The following NELL1 variants were observed in gnomAD, a reference collection of about 807,000 sequenced individuals.
NELL1 encodes protein kinase C-binding protein NELL1.
A neutral mutation model predicts 107.4 loss-of-function variants in NELL1; 76 were observed. The observed-to-expected ratio is 0.71, with a 90% CI of 0.59 to 0.86. NELL1 has a LOEUF of 0.86. Ranked by LOEUF, NELL1 falls within the 40% of genes least tolerant of loss-of-function variation. The pLI is 0.00. For missense variants in NELL1, 1,024 were observed against 1,005.5 expected (o/e 1.02, Z -0.25); for synonymous variants, 353 against 341.2 (o/e 1.03, Z -0.38).
At chr11:21,470,699 A>G (rs1854155535) in intron 15 of NELL1, among the ~76,000 whole-genome samples, 1 of 152,088 alleles carries the variant, frequency 6.6e-6, no homozygotes, top group African/African-American at 2.4e-5. Context: ...GCCATGCCTT[A>G]GTCATCTTGA....
intron 11 of NELL1, among the ~76,000 whole-genome samples, chr11:20,957,108 A>G (rs1160181424): frequency 6.6e-6 from 1 of 152,182 alleles, no homozygotes; most frequent in South Asian, 2.1e-4. Flanking sequence ...GGTTTAAAAT[A>G]TGGCTTCTAG....
At chr11:20,790,944 A>C (rs1208683134) in intron 3 of NELL1, among the ~76,000 whole-genome samples, 1 of 152,220 alleles carries the variant, frequency 6.6e-6, no homozygotes, top group East Asian at 1.9e-4. Context: ...TCATTGATCT[A>C]TATGTTTATC....
At chr11:20,946,530 T>G (rs1850965428) in intron 10 of NELL1, among the ~76,000 whole-genome samples, 1 of 152,176 alleles carries the variant, frequency 6.6e-6, no homozygotes, top group South Asian at 2.1e-4. Flanking sequence ...TTGTAAGTGA[T>G]TTTATATCTA....
intron 6 of NELL1, 108 bp from the exon 7 acceptor site, chr11:20,919,144 A>G (rs1049812263): frequency 5.4e-6 from 3 of 556,256 alleles, no homozygotes; most frequent in Non-Finnish European, 5.9e-6. Context: ...ATGTCAACCA[A>G]AAAAACCCCA....
intron 14 of NELL1, among the ~76,000 whole-genome samples, chr11:21,280,315 T>A (rs1848964714): frequency 6.6e-6 from 1 of 152,186 alleles, no homozygotes; most frequent in African/African-American, 2.4e-5. Context: ...TCCACCTACA[T>A]GGTCAACAAT....
intron 13 of NELL1, chr11:21,169,878 C>T (rs1263942858): frequency 9.2e-6 from 13 of 1,411,476 alleles, no homozygotes; most frequent in Non-Finnish European, 1.3e-5. Flanking sequence ...CCATGTCACC[C>T]AGCACTGGCA....
intron 15 of NELL1, among the ~76,000 whole-genome samples, chr11:21,481,490 A>C (rs1386850657): frequency 6.6e-6 from 1 of 152,244 alleles, no homozygotes; most frequent in Non-Finnish European, 1.5e-5. Flanking sequence ...TAAGGGTTGC[A>C]TTAAAGTGGA....
At chr11:21,005,487 G>A (rs563830957) in intron 12 of NELL1, among the ~76,000 whole-genome samples, 48 of 152,240 alleles carry the variant, frequency 3.2e-4, no homozygotes, top group African/African-American at 1.1e-3. Context: ...GGCATTTAGA[G>A]CCCAGCTCAC....
chr11:20,845,255 T>C (rs1459942564), intron 3 of NELL1, among the ~76,000 whole-genome samples: 2 of 152,196 alleles, frequency 1.3e-5, no homozygotes, highest in Non-Finnish European at 2.9e-5. Flanking sequence ...CTCCTAGCTA[T>C]ATATTTGTGA....
rs139552152 is a variant in NELL1, at chr11:21,020,948, G to A, written c.1300+60388G>A. 3.7e-3 allele frequency among the ~76,000 whole-genome samples: 563 copies of A among 150,622 alleles called. 2 individuals are homozygous for A. Among genetic ancestry groups the A allele is most frequent in the Middle Eastern group, 0.014 (4 of 294 alleles). On this transcript the variant is annotated intron_variant, in intron 12 of 19. Coordinates refer to ENST00000357134, the MANE Select transcript of NELL1 (RefSeq NM_006157.5). Reference sequence around the variant, plus strand: ...GTTGTTTGAACTGGTTCACTCTCACGATAATCAGGAAAAAATCCTTCCTGG... The same window carrying A: ...GTTGTTTGAACTGGTTCACTCTCACAATAATCAGGAAAAAATCCTTCCTGG...
At chr11:20,787,053 G>T (rs961710620) in intron 3 of NELL1, among the ~76,000 whole-genome samples, 6 of 145,208 alleles carry the variant, frequency 4.1e-5, no homozygotes, top group Admixed American at 6.9e-5. Context: ...AAGTACACTT[G>T]CAAGAGAGCC....
rs567772416 is a variant in NELL1 at position 20,903,703 on chromosome 11, G to A, written c.604-14479G>A. ...AGATTGCATACAAATATCCTGGAAG[G>A]CTTGTTAAAACACAAGTAGCTGGAT... On this transcript the variant is annotated intron_variant, in intron 5 of 19. Coordinates refer to ENST00000357134, the MANE Select transcript of NELL1 (RefSeq NM_006157.5). 3.3e-5 allele frequency among the ~76,000 whole-genome samples: 5 copies of A among 152,138 alleles called. No individual in the cohort carries two copies. The South Asian group carries it at 6.2e-4, about 19-fold the overall frequency.
intron 12 of NELL1, among the ~76,000 whole-genome samples, chr11:21,089,594 G>A (rs1171071956): frequency 2.6e-5 from 4 of 152,164 alleles, no homozygotes; most frequent in African/African-American, 9.6e-5. Flanking sequence ...CTGTTTATTC[G>A]TAAACTTGTG....
chr11:21,429,307 C>A (rs568692556), intron 15 of NELL1, among the ~76,000 whole-genome samples: 16 of 152,218 alleles, frequency 1.1e-4, no homozygotes, highest in African/African-American at 3.6e-4. Context: ...ATTAAAGTAA[C>A]ATTGACAAGT....
intron 12 of NELL1, among the ~76,000 whole-genome samples, chr11:21,110,446 A>G (rs1268754855): frequency 1.3e-5 from 2 of 152,134 alleles, no homozygotes; most frequent in African/African-American, 2.4e-5. Flanking sequence ...TATGAAACAA[A>G]GAAATAGCTT....
intron 14 of NELL1, among the ~76,000 whole-genome samples, chr11:21,253,898 G>T (rs1177061240): frequency 6.6e-6 from 1 of 152,132 alleles, no homozygotes; most frequent in Admixed American, 6.6e-5. Context: ...CTCCAATGGA[G>T]AAAGGAGGAA....
chr11:21,182,517 C>T (rs1856850225), intron 13 of NELL1, among the ~76,000 whole-genome samples: 2 of 150,916 alleles, frequency 1.3e-5, no homozygotes. Flanking sequence ...AGACAGTAAC[C>T]ACACAAATTA....
chr11:21,574,930 T>C (rs965349485), intron 19 of NELL1, 42 bp from the exon 20 acceptor site: 2 of 1,569,166 alleles, frequency 1.3e-6, no homozygotes, highest in Non-Finnish European at 1.8e-6. Flanking sequence ...TAATTTATAT[T>C]CCATGTCTCA....
At chr11:21,180,036 A>G (rs1318400009) in intron 13 of NELL1, among the ~76,000 whole-genome samples, 1 of 139,534 alleles carries the variant, frequency 7.2e-6, no homozygotes, top group Non-Finnish European at 1.6e-5. Context: ...TTACTTACAC[A>G]AAGAGCTGGC....
Sources: gnomAD v4.1 joint callset for allele counts (sites outside exome capture counted in the v4.1 genomes callset) on GRCh38, gnomAD v4.1.1 for gene constraint, MANE v1.5 for transcripts, NCBI Gene and HGNC (gene_info 2026-07-23, HGNC 2026-07-21) for gene names.